Variants in IL23R observed in about 807,000 individuals in gnomAD.
IL23R encodes interleukin-23 receptor.
A neutral mutation model predicts 56.9 loss-of-function variants in IL23R; 34 were observed. The ratio of observed to expected loss-of-function variants is 0.60; its 90% confidence interval spans 0.45 to 0.80. The LOEUF (loss-of-function observed/expected upper bound fraction) is 0.80. Ranked by LOEUF, IL23R falls within the 30% of genes least tolerant of loss-of-function variation. The pLI is 0.00. For missense variants in IL23R, 635 were observed against 730.0 expected, an observed-to-expected ratio of 0.87 and a Z score of 1.50; for synonymous variants, 230 against 249.2, an observed-to-expected ratio of 0.92 and a Z score of 0.73.
rs796387333 is a variant in IL23R at position 67,141,420 on chromosome 1, TA to T, written c.-634+2271del. The stretch of plus-strand genomic sequence containing the variant: ...GAGACTGGAAAAGTCAAAAGCCTCT[TA>T]AAAAAAAAAAAGTTTGAAATTTCTT... On this transcript the variant is annotated intron_variant, in intron 1 of 10. Transcript: ENST00000637002. Among the ~76,000 whole-genome samples the T allele has an allele frequency of 7.6e-3, 1,096 of 144,894 alleles. 9 individuals carry two copies. Among genetic ancestry groups the T allele is most frequent in the African/African-American group, 0.022 (884 of 39,684 alleles).
At position 67,168,119 on chromosome 1, in the gene IL23R, A is replaced by G; in HGVS notation, c.-2A>G. The G allele has an allele frequency of 6.2e-7, 1 of 1,603,340 alleles. No homozygotes were observed. The highest frequency in any genetic ancestry group is 1.1e-5 in the South Asian group (1 of 90,776). ...GGAAACAGTCTTTTCCTGCTTCCAG[A>G]CATGAATCAGGTCACTATTCAATGG... On this transcript the variant is annotated 5_prime_UTR_variant, in exon 2 of 11. Transcript: ENST00000347310.
chr1:67,242,829 A>G (rs1651937889), intron 9 of IL23R, among the ~76,000 whole-genome samples: 1 of 152,154 alleles, frequency 6.6e-6, no homozygotes, highest in Non-Finnish European at 1.5e-5. Context: ...GTCTTCTTGC[A>G]TGGGAAAGCT....
At chr1:67,153,956 G>A (rs1646750421) in intron 1 of IL23R, among the ~76,000 whole-genome samples, 1 of 152,122 alleles carries the variant, frequency 6.6e-6, no homozygotes, top group African/African-American at 2.4e-5. Flanking sequence ...TTTTAGTGGA[G>A]ACAGGGTTTC....
intron 1 of IL23R, among the ~76,000 whole-genome samples, chr1:67,161,268 G>T (rs1646816765): frequency 6.6e-6 from 1 of 152,116 alleles, no homozygotes; most frequent in Non-Finnish European, 1.5e-5. Context: ...TCATATTCTA[G>T]AATTGACTAG....
chr1:67,183,500 A>C (rs1647192931), intron 4 of IL23R, among the ~76,000 whole-genome samples: 1 of 152,178 alleles, frequency 6.6e-6, no homozygotes, highest in Non-Finnish European at 1.5e-5. Context: ...GTGCCACTGC[A>C]CTCTAGCCTG....
At chr1:67,139,018 G>A (rs1443399446) in exon 1 of IL23R, 2 of 152,258 alleles carry the variant, frequency 1.3e-5, no homozygotes, top group Non-Finnish European at 2.9e-5. Context: ...CTTATGCTAT[G>A]GGAGCCACTA....
chr1:67,181,438 T>C (rs1344582878), intron 3 of IL23R, among the ~76,000 whole-genome samples: 1 of 152,242 alleles, frequency 6.6e-6, no homozygotes, highest in African/African-American at 2.4e-5. Flanking sequence ...CTGCTGAGGC[T>C]TGTGCATTCA....
At chr1:67,257,322 C>T (rs1201491734) in intron 10 of IL23R, among the ~76,000 whole-genome samples, 4 of 152,248 alleles carry the variant, frequency 2.6e-5, no homozygotes, top group East Asian at 3.9e-4. Context: ...AATTCACTTG[C>T]TAGTGAGGGC....
chr1:67,163,439 A>AGG (rs1646840777), upstream of IL23R, among the ~76,000 whole-genome samples: 1 of 122,906 alleles, frequency 8.1e-6, no homozygotes, highest in African/African-American at 3.2e-5. Flanking sequence ...ACTGCACTCC[A>AGG]GCCTGGGCCA....
At chr1:67,169,811 A>G (rs1381231481) in intron 3 of IL23R, among the ~76,000 whole-genome samples, 173 bp downstream of exon 3, 1 of 152,112 alleles carries the variant, frequency 6.6e-6, no homozygotes, top group Non-Finnish European at 1.5e-5. Flanking sequence ...GAACTATATG[A>G]ACTGTAGCCA....
chr1:67,249,818 C>A (rs1652496434), intron 9 of IL23R, among the ~76,000 whole-genome samples: 1 of 152,064 alleles, frequency 6.6e-6, no homozygotes. Context: ...AATGCTTAAC[C>A]AGTTTGACCA....
chr1:67,251,268 C>A (rs112106127), intron 9 of IL23R, among the ~76,000 whole-genome samples: 1 of 151,912 alleles, frequency 6.6e-6, no homozygotes, highest in African/African-American at 2.4e-5. Context: ...CTGGCTAACA[C>A]GGTGAAACCC....
chr1:67,211,944 C>T (rs761182895), intron 6 of IL23R, among the ~76,000 whole-genome samples: 8 of 152,136 alleles, frequency 5.3e-5, no homozygotes, highest in Non-Finnish European at 1.2e-4. Flanking sequence ...GTAGTATTAG[C>T]TCCATTATAT....
intron 7 of IL23R, among the ~76,000 whole-genome samples, chr1:67,231,661 C>T (rs993744747): frequency 6.6e-6 from 1 of 152,076 alleles, no homozygotes; most frequent in African/African-American, 2.4e-5. Context: ...CATGATGAAA[C>T]ATTAACTAGC....
chr1:67,241,823 C>G (rs1333323011), intron 9 of IL23R, among the ~76,000 whole-genome samples: 1 of 152,114 alleles, frequency 6.6e-6, no homozygotes, highest in Non-Finnish European at 1.5e-5. Flanking sequence ...ATAAACCAAA[C>G]CAAACCATCT....
intron 7 of IL23R, among the ~76,000 whole-genome samples, chr1:67,228,103 T>C: frequency 3.6e-5 from 2 of 55,492 alleles, no homozygotes; most frequent in African/African-American, 6.8e-5. Flanking sequence ...TCTTTCTTTC[T>C]TTCTCTCTCT....
At chr1:67,213,355 T>C (rs1023308493) in intron 6 of IL23R, among the ~76,000 whole-genome samples, 1 of 152,164 alleles carries the variant, frequency 6.6e-6, no homozygotes, top group Admixed American at 6.5e-5. Context: ...CTCTCTAGCC[T>C]CTAGGGGAGC....
chr1:67,226,456 C>A (rs1650625608), intron 7 of IL23R, among the ~76,000 whole-genome samples: 1 of 152,196 alleles, frequency 6.6e-6, no homozygotes. Flanking sequence ...AGCGGCCGAT[C>A]TCCTCTCTGA....
intron 4 of IL23R, among the ~76,000 whole-genome samples, chr1:67,198,680 C>A (rs1163544567): frequency 3.3e-5 from 5 of 152,340 alleles, no homozygotes; most frequent in Non-Finnish European, 7.3e-5. Flanking sequence ...CGAGGTGGCT[C>A]ATGCCTATAA....
Sources: gnomAD v4.1 joint callset for allele counts (sites outside exome capture counted in the v4.1 genomes callset) on GRCh38, gnomAD v4.1.1 for gene constraint, MANE v1.5 for transcripts, NCBI Gene and HGNC (gene_info 2026-07-23, HGNC 2026-07-21) for gene names.